Variants in DMD observed in about 807,000 individuals in gnomAD.
The protein encoded by DMD is dystrophin, also known as mutant dystrophin.
In DMD, 63 loss-of-function variants were observed where a neutral mutation model predicts 330.1. That is an observed-to-expected ratio of 0.19 (90% confidence interval 0.16 to 0.24). The LOEUF (loss-of-function observed/expected upper bound fraction) is 0.24, where lower values mean the gene tolerates loss of function less well. DMD is among the 10% of genes least tolerant of loss of function. The pLI, the probability that DMD is intolerant of heterozygous loss-of-function variation, is 1.00. For missense variants in DMD, 3,344 were observed against 2,684.1 expected (o/e 1.25, Z -5.43); for synonymous variants, 1,223 against 959.8 (o/e 1.27, Z -5.07).
chrX:32,678,504 G>GTGTC (rs1342797826), intron 9 of DMD, among the ~76,000 whole-genome samples: 58 of 111,069 alleles, frequency 5.2e-4, no homozygotes, highest in African/African-American at 1.8e-3. Flanking sequence ...GTGTCCGTGT[G>GTGTC]TGTGTGTGTG....
intron 42 of DMD, among the ~76,000 whole-genome samples, chrX:32,304,695 T>G (rs2097534433): frequency 9.0e-6 from 1 of 111,264 alleles, no homozygotes; most frequent in Non-Finnish European, 1.9e-5. Flanking sequence ...ATCAATCAAA[T>G]AAATCCCAAG....
chrX:32,205,947 TG>T, intron 44 of DMD: 1 of 396,616 alleles, frequency 2.5e-6, no homozygotes, highest in South Asian at 3.0e-5. Context: ...TCTTTTTGGT[TG>T]TGAACTAAAG....
chrX:32,278,205 A>G (rs1480120277), intron 43 of DMD, among the ~76,000 whole-genome samples: 1 of 111,379 alleles, frequency 9.0e-6, no homozygotes, highest in Admixed American at 9.6e-5. Flanking sequence ...AAATTGAAAA[A>G]TCTAGAGGTA....
intron 2 of DMD, among the ~76,000 whole-genome samples, chrX:32,866,729 G>T (rs2082518777): frequency 1.9e-4 from 6 of 31,490 alleles, no homozygotes; most frequent in Non-Finnish European, 3.0e-4. Context: ...TTTTTTGGGG[G>T]GGGGTGGGGG....
rs984177051 is a variant in DMD at position 32,441,216 on chromosome X, A to C, written c.3885T>G (p.Ile1295Met). 1 of 1,209,527 alleles carries C rather than the reference A, an allele frequency of 8.3e-7. No homozygotes were observed. Among genetic ancestry groups the C allele is most frequent in the Admixed American group, 2.2e-5 (1 of 45,878 alleles). ...CAGAGATTTCCTCAGCTCCGCCAGGAATGTTTTCAGTGGTTTTAAGTTTAA... is the reference window on the plus strand; with the variant it reads ...CAGAGATTTCCTCAGCTCCGCCAGGCATGTTTTCAGTGGTTTTAAGTTTAA... Reference protein sequence around the residue: ...VEFKLKTTENIPGGAEEISEV... With the variant: ...VEFKLKTTENMPGGAEEISEV... Residue 1295 changes from isoleucine (I) to methionine (M), a missense_variant, in exon 28 of 79, where the codon ATT becomes ATG. Physicochemically the swap from Ile to Met is conservative, Grantham distance 10. Transcript: ENST00000357033.
At chrX:32,189,976 T>C in intron 44 of DMD, among the ~76,000 whole-genome samples, 1 of 111,381 alleles carries the variant, frequency 9.0e-6, no homozygotes, top group African/African-American at 3.3e-5. Context: ...TGTAGCTATA[T>C]GTAAACATAC....
At chrX:32,113,307 A>G (rs1372713814) in intron 44 of DMD, among the ~76,000 whole-genome samples, 2 of 112,472 alleles carry the variant, frequency 1.8e-5, no homozygotes, top group Non-Finnish European at 1.9e-5. Context: ...ATAATAAAAT[A>G]CGTGAAATGT....
At chrX:32,812,958 A>G (rs1043666493) in intron 6 of DMD, among the ~76,000 whole-genome samples, 1 of 111,644 alleles carries the variant, frequency 9.0e-6, no homozygotes, top group Non-Finnish European at 1.9e-5. Flanking sequence ...ATGAGAAACT[A>G]GTTTTCTCAT....
intron 44 of DMD, among the ~76,000 whole-genome samples, chrX:32,033,665 AAAG>A (rs1345692453): frequency 0.035 from 2,549 of 72,409 alleles, 131 homozygotes; most frequent in African/African-American, 0.13. Flanking sequence ...AGAAAGAAAG[AAAG>A]AAAGGAAGGA....
At chrX:32,899,716 A>C (rs914915188) in intron 2 of DMD, among the ~76,000 whole-genome samples, 1 of 110,855 alleles carries the variant, frequency 9.0e-6, no homozygotes. Context: ...GAAAGAAAGA[A>C]AAAGTGTTTG....
chrX:31,668,369 G>A (rs2081549592), intron 53 of DMD, among the ~76,000 whole-genome samples: 2 of 110,659 alleles, frequency 1.8e-5, no homozygotes, highest in South Asian at 7.5e-4. Flanking sequence ...TCTTAGAAGA[G>A]TTTTAAAGTT....
intron 55 of DMD, among the ~76,000 whole-genome samples, chrX:31,589,783 G>T (rs1049890191): frequency 1.8e-5 from 2 of 111,397 alleles, no homozygotes; most frequent in Non-Finnish European, 3.8e-5. Flanking sequence ...ATGAGAGTGA[G>T]AAATTACTTA....
At chrX:33,280,557 C>A (rs969494968) in intron 1 of DMD, among the ~76,000 whole-genome samples, 7 of 111,344 alleles carry the variant, frequency 6.3e-5, no homozygotes, top group African/African-American at 2.0e-4. Context: ...TTACTGGATT[C>A]CTGCTTCGTC....
intron 1 of DMD, among the ~76,000 whole-genome samples, chrX:33,270,542 G>C (rs1466381668): frequency 1.0e-5 from 1 of 98,680 alleles, no homozygotes; most frequent in Non-Finnish European, 1.9e-5. Context: ...TCACAACAGA[G>C]AGTTAAGTGC....
intron 1 of DMD, among the ~76,000 whole-genome samples, chrX:33,314,137 C>T (rs1298970467): frequency 9.5e-6 from 1 of 104,888 alleles, no homozygotes; most frequent in Non-Finnish European, 1.9e-5. Context: ...ACACAACCCC[C>T]ATTTATGTAT....
rs757694623 is a variant in DMD, at chrX:32,733,049, A to T, written c.650-33756T>A. Among the ~76,000 whole-genome samples, 11 of 109,468 alleles carry T rather than the reference A, an allele frequency of 1.0e-4. No homozygotes were observed. The East Asian group carries it at 3.1e-3, about 31-fold the overall frequency. On this transcript the variant is annotated intron_variant, in intron 7 of 78. Transcript: ENST00000357033. ...TGTGCAGAGACACACATAGGCTCAAAATAAAAGGATGGAGGAAGATCTACC... is the reference window on the plus strand; with the variant it reads ...TGTGCAGAGACACACATAGGCTCAATATAAAAGGATGGAGGAAGATCTACC...
chrX:33,058,943 G>C (rs1384320268), intron 1 of DMD, among the ~76,000 whole-genome samples: 1 of 111,600 alleles, frequency 9.0e-6, no homozygotes, highest in Non-Finnish European at 1.9e-5. Flanking sequence ...TGATATGTAT[G>C]AGTTTATTAT....
At chrX:32,335,503 T>C (rs1249846348) in intron 41 of DMD, among the ~76,000 whole-genome samples, 1 of 64,465 alleles carries the variant, frequency 1.6e-5, no homozygotes, top group Non-Finnish European at 3.5e-5. Context: ...ATACATGTTA[T>C]ATATATAACA....
At chrX:32,575,817 T>A (rs555959555) in intron 13 of DMD, among the ~76,000 whole-genome samples, 2 of 111,777 alleles carry the variant, frequency 1.8e-5, no homozygotes, top group East Asian at 5.6e-4. Context: ...TCAACTCCAG[T>A]GAAGAAGACA....
Sources: allele counts gnomAD v4.1 joint callset (sites outside exome capture counted in the v4.1 genomes callset), GRCh38; gene constraint gnomAD v4.1.1; transcripts MANE v1.5; gene names NCBI Gene and HGNC (gene_info 2026-07-23, HGNC 2026-07-21).